The following TMX3 variants were observed in gnomAD, a reference collection of about 807,000 sequenced individuals.
TMX3 encodes the protein thioredoxin related transmembrane protein 3.
Under a neutral mutation model 64.4 loss-of-function variants are expected in TMX3, and 40 were observed. The ratio of observed to expected loss-of-function variants is 0.62; its 90% confidence interval spans 0.48 to 0.81. TMX3 has a LOEUF of 0.81. Among genes scored for constraint, TMX3 ranks in the 30% least tolerant of loss-of-function variants. The probability of loss-of-function intolerance (pLI) is 0.00; values close to 1 mark genes in which losing one functional copy is unlikely to be tolerated. For synonymous variants in TMX3, 189 were observed against 175.7 expected (o/e 1.08, Z -0.60); for missense variants, 497 against 534.5 (o/e 0.93, Z 0.69).
intron 9 of TMX3, among the ~76,000 whole-genome samples, chr18:68,689,390 A>AGT (rs1423213903): frequency 1.2e-3 from 182 of 150,158 alleles, no homozygotes; most frequent in African/African-American, 4.1e-3. Flanking sequence ...AGATATGATC[A>AGT]GTGTTTTTTT....
chr18:68,708,804 G>A (rs2030981594), intron 4 of TMX3, among the ~76,000 whole-genome samples: 1 of 152,084 alleles, frequency 6.6e-6, no homozygotes, highest in South Asian at 2.1e-4. Flanking sequence ...TGTCATATAC[G>A]TGCAGCCATT....
At chr18:68,697,615 T>C in intron 7 of TMX3, 1 of 371,478 alleles carries the variant, frequency 2.7e-6, no homozygotes, top group Non-Finnish European at 4.8e-6. Context: ...TATGTGTGTA[T>C]ACACACATAC....
intron 10 of TMX3, chr18:68,687,389 G>A (rs1776765956): frequency 3.0e-6 from 3 of 985,152 alleles, no homozygotes; most frequent in African/African-American, 3.5e-5. Context: ...CAGCTTCTTA[G>A]TTGGTTATTT....
At chr18:68,691,758 T>C (rs909238035) in intron 8 of TMX3, among the ~76,000 whole-genome samples, 1 of 152,160 alleles carries the variant, frequency 6.6e-6, no homozygotes. Flanking sequence ...CACAGAACAA[T>C]TAGGAGAGTT....
chr18:68,708,001 A>ATATATGTG (rs1370870755), intron 4 of TMX3, among the ~76,000 whole-genome samples: 12 of 147,074 alleles, frequency 8.2e-5, no homozygotes, highest in Non-Finnish European at 1.5e-4. Flanking sequence ...ATATGTGTAT[A>ATATATGTG]TATATGTGTA....
chr18:68,687,350 A>C (rs1599306095), intron 10 of TMX3: 1 of 985,394 alleles, frequency 1.0e-6, no homozygotes, highest in East Asian at 1.1e-4. Flanking sequence ...GTTTTATTTT[A>C]ACTCCTATTA....
chr18:68,682,890 G>C (rs1169639445), intron 13 of TMX3, 35 bp downstream of exon 13: 1 of 1,566,756 alleles, frequency 6.4e-7, no homozygotes, highest in Non-Finnish European at 8.7e-7. Context: ...AAAATTAATA[G>C]ATTTGACAGC....
intron 2 of TMX3, 110 bp from the exon 3 acceptor site, chr18:68,711,513 C>T (rs375001918): frequency 9.2e-6 from 6 of 649,486 alleles, no homozygotes; most frequent in East Asian, 6.0e-5. Context: ...ACCCAAATTC[C>T]TTCAATAATA....
chr18:68,687,294 T>C, intron 10 of TMX3: 1 of 985,430 alleles, frequency 1.0e-6, no homozygotes, highest in Non-Finnish European at 1.2e-6. Context: ...ACTTACATTT[T>C]TCCCTTTCAC....
At chr18:68,678,698 C>G (rs1045515203) in intron 15 of TMX3, among the ~76,000 whole-genome samples, 1 of 151,960 alleles carries the variant, frequency 6.6e-6, no homozygotes, top group African/African-American at 2.4e-5. Context: ...TGAAGAAAGT[C>G]AAGGAAATAT....
chr18:68,692,583 A>C (rs1914630023), intron 8 of TMX3, among the ~76,000 whole-genome samples: 1 of 152,196 alleles, frequency 6.6e-6, no homozygotes, highest in African/African-American at 2.4e-5. Context: ...AAATATGGGA[A>C]GACCACAAAA....
intron 15 of TMX3, among the ~76,000 whole-genome samples, chr18:68,679,079 C>T (rs949950264): frequency 2.6e-5 from 4 of 152,030 alleles, no homozygotes; most frequent in African/African-American, 4.8e-5. Flanking sequence ...CTTCCCAGCA[C>T]ACATCATTTT....
Position 68,675,194 on chromosome 18 carries a change from C to T in TMX3, c.*1739G>A, listed in dbSNP as rs1912826688. On this transcript the variant is annotated 3_prime_UTR_variant, in exon 16 of 16. Coordinates refer to ENST00000299608, the MANE Select transcript of TMX3 (RefSeq NM_019022.5). ...GCAAAACAAGCTTGACTATTGGGAA[C>T]ATTAACATTTATCTTCCCAAGAATC... 6.6e-6 allele frequency: 1 copy of T among 152,096 alleles called. No individual in the cohort carries two copies. The highest frequency in any genetic ancestry group is 6.6e-5 in the Admixed American group (1 of 15,256). 9.4% of individuals were successfully genotyped at this position (152,096 alleles called of 1,614,324 possible). A position where few individuals can be genotyped will look rare whatever the true frequency, so the allele number is the denominator to read the frequency against.
intron 4 of TMX3, among the ~76,000 whole-genome samples, chr18:68,706,903 A>G (rs17079597): frequency 0.036 from 5,476 of 152,318 alleles, 224 homozygotes; most frequent in African/African-American, 0.1. Context: ...TTCACTACAC[A>G]TAACACATTC....
intron 13 of TMX3, 44 bp downstream of exon 13, chr18:68,682,881 A>C (rs898589516): frequency 6.4e-7 from 1 of 1,554,994 alleles, no homozygotes; most frequent in African/African-American, 1.4e-5. Flanking sequence ...ACAAATTTAA[A>C]AATTAATAGA....
intron 6 of TMX3, among the ~76,000 whole-genome samples, chr18:68,699,982 AT>A (rs1181115123): frequency 6.6e-6 from 1 of 152,206 alleles, no homozygotes; most frequent in Non-Finnish European, 1.5e-5. Flanking sequence ...ATTTTCGAGT[AT>A]CAAAGAGTAT....
intron 15 of TMX3, among the ~76,000 whole-genome samples, chr18:68,678,899 A>G (rs1400641930): frequency 2.6e-5 from 4 of 152,012 alleles, no homozygotes; most frequent in East Asian, 1.9e-4. Context: ...AAAGTGTTCT[A>G]TAAAAAGAAT....
intron 8 of TMX3, among the ~76,000 whole-genome samples, chr18:68,693,609 C>T (rs926115221): frequency 6.6e-6 from 1 of 152,126 alleles, no homozygotes; most frequent in Non-Finnish European, 1.5e-5. Context: ...CCCAACAGTG[C>T]CTGGGCTTCC....
In TMX3 at chr18:68,701,002, T is replaced by C. The variant is rs916633524; in HGVS notation, c.312-517A>G. 3.0e-6 allele frequency: 3 copies of C among 985,150 alleles called. No homozygotes were observed. In the African/African-American group the frequency reaches 5.2e-5, roughly 17 times the overall value. The allele number at this position is 985,150 out of a possible 1,614,324, so 61.0% of individuals were successfully genotyped here. On this transcript the variant is annotated intron_variant, in intron 5 of 15. Coordinates refer to ENST00000299608, the MANE Select transcript of TMX3 (RefSeq NM_019022.5). ...AAAAGCCAACCAATGAATTAATCTGTGTGCCTAATTAACTAAAATTTTAAA... is the reference window on the plus strand; with the variant it reads ...AAAAGCCAACCAATGAATTAATCTGCGTGCCTAATTAACTAAAATTTTAAA...
Sources: gnomAD v4.1 joint callset for allele counts (sites outside exome capture counted in the v4.1 genomes callset) on GRCh38, gnomAD v4.1.1 for gene constraint, MANE v1.5 for transcripts, NCBI Gene and HGNC (gene_info 2026-07-23, HGNC 2026-07-21) for gene names.